The following CHST11 variants were observed in gnomAD, a reference collection of about 807,000 sequenced individuals.
CHST11 encodes C4S-1.
In CHST11, 9 loss-of-function variants were observed where a neutral mutation model predicts 30.4. The observed-to-expected ratio is 0.30, with a 90% confidence interval of 0.18 to 0.52. CHST11 has a LOEUF of 0.52. Ranked by LOEUF, CHST11 falls within the 20% of genes least tolerant of loss-of-function variation. The pLI is 0.97. For missense variants in CHST11, 348 were observed against 460.6 expected (o/e 0.76, Z 2.24); for synonymous variants, 152 against 187.8 (o/e 0.81, Z 1.56).
At chr12:104,634,953 G>A (rs1592807222) in intron 2 of CHST11, among the ~76,000 whole-genome samples, 1 of 152,272 alleles carries the variant, frequency 6.6e-6, no homozygotes, top group East Asian at 1.9e-4. Context: ...AGGGAGGAAG[G>A]GAGGGAGGGA....
intron 2 of CHST11, among the ~76,000 whole-genome samples, chr12:104,658,596 G>A (rs958006010): frequency 2.0e-5 from 3 of 152,190 alleles, no homozygotes; most frequent in Non-Finnish European, 4.4e-5. Context: ...TATCTGGAGA[G>A]GGGGAGGTAG....
At chr12:104,653,507 A>C (rs892754546) in intron 2 of CHST11, among the ~76,000 whole-genome samples, 3 of 152,166 alleles carry the variant, frequency 2.0e-5, no homozygotes, top group Admixed American at 2.0e-4. Context: ...GTACTCATGG[A>C]GGGGCAGTAT....
intron 2 of CHST11, among the ~76,000 whole-genome samples, chr12:104,605,250 T>G (rs2038993979): frequency 6.6e-6 from 1 of 151,812 alleles, no homozygotes; most frequent in African/African-American, 2.4e-5. Flanking sequence ...AAACTGGCTA[T>G]AATATGGGGA....
intron 1 of CHST11, among the ~76,000 whole-genome samples, chr12:104,460,980 A>G (rs1343411190): frequency 6.6e-6 from 1 of 152,146 alleles, no homozygotes; most frequent in African/African-American, 2.4e-5. Flanking sequence ...TGGGTTCTCA[A>G]TAGAATGTTT....
rs1242341182 is a variant in CHST11, at chr12:104,759,839, A to C, written c.*2036A>C. The stretch of plus-strand genomic sequence containing the variant: ...AGTGACAGACCTTGGCTGTCCCTGG[A>C]ATTGAGAATCTGGACCTTATTTCCA... On this transcript the variant is annotated 3_prime_UTR_variant, in exon 3 of 3. Coordinates refer to ENST00000303694, the MANE Select transcript of CHST11 (RefSeq NM_018413.6). 6.6e-6 allele frequency: 1 copy of C among 152,128 alleles called. No homozygotes were observed. The highest frequency in any genetic ancestry group is 2.4e-5 in the African/African-American group (1 of 41,410). The allele number at this position is 152,128 out of a possible 1,614,324, so 9.4% of individuals were successfully genotyped here.
intron 1 of CHST11, among the ~76,000 whole-genome samples, chr12:104,536,966 C>T (rs1474935632): frequency 6.6e-6 from 1 of 152,144 alleles, no homozygotes; most frequent in East Asian, 1.9e-4. Flanking sequence ...GAGTCAGAGG[C>T]AGCAGTCCTA....
chr12:104,530,404 T>A (rs2038171488), intron 1 of CHST11, among the ~76,000 whole-genome samples: 2 of 152,190 alleles, frequency 1.3e-5, no homozygotes, highest in African/African-American at 4.8e-5. Flanking sequence ...TATTGCATGA[T>A]TTGCCTCTGT....
chr12:104,522,745 G>T (rs759258213), intron 1 of CHST11, among the ~76,000 whole-genome samples: 1 of 152,132 alleles, frequency 6.6e-6, no homozygotes, highest in African/African-American at 2.4e-5. Flanking sequence ...GCCTCCTAAA[G>T]TGCTGGAATT....
chr12:104,542,077 T>C (rs572766939), intron 1 of CHST11, among the ~76,000 whole-genome samples: 68 of 152,358 alleles, frequency 4.5e-4, no homozygotes, highest in Admixed American at 8.5e-4. Context: ...GCAACTAACT[T>C]CATCTTTCCT....
At chr12:104,498,522 A>T (rs1356967004) in intron 1 of CHST11, among the ~76,000 whole-genome samples, 3 of 152,216 alleles carry the variant, frequency 2.0e-5, no homozygotes, top group Admixed American at 2.0e-4. Context: ...AGGGATGTGT[A>T]CAGGAAGGCT....
At chr12:104,653,395 A>G (rs2039512638) in intron 2 of CHST11, among the ~76,000 whole-genome samples, 1 of 152,166 alleles carries the variant, frequency 6.6e-6, no homozygotes, top group South Asian at 2.1e-4. Flanking sequence ...TCATCTGTTC[A>G]TAGACATTTG....
chr12:104,557,631 G>A (rs2038470362), intron 1 of CHST11, among the ~76,000 whole-genome samples: 1 of 152,126 alleles, frequency 6.6e-6, no homozygotes, highest in Non-Finnish European at 1.5e-5. Flanking sequence ...AAAGGGAGAG[G>A]GCGGGAGAGG....
rs543019513 is a variant in CHST11, at chr12:104,483,367, G to A, written c.118+25838G>A. Among the ~76,000 whole-genome samples the A allele has an allele frequency of 3.9e-5, 6 of 152,204 alleles. No homozygotes were observed. The South Asian group carries it at 6.2e-4, about 16-fold the overall frequency. On this transcript the variant is annotated intron_variant, in intron 1 of 2. Transcript: ENST00000303694. ...ATTACAGGTGCCAGCCACCATGCCC[G>A]GCTAATTTTTGTATTTTTAGTAGAG...
At chr12:104,732,081 A>C (rs2040262809) in intron 2 of CHST11, among the ~76,000 whole-genome samples, 1 of 152,250 alleles carries the variant, frequency 6.6e-6, no homozygotes, top group African/African-American at 2.4e-5. Context: ...CCCTCCAGGG[A>C]AGAGGATTGC....
chr12:104,740,105 G>C lies in CHST11; in HGVS notation c.205-16844G>C, dbSNP rs573660291. Among the ~76,000 whole-genome samples, 165 of 152,200 alleles carry C rather than the reference G, an allele frequency of 1.1e-3. 1 individual carries two copies. Among genetic ancestry groups the C allele is most frequent in the African/African-American group, 3.8e-3 (157 of 41,516 alleles). ...AGTTTCTACCACTTAGTTTTAGTAG[G>C]GTCACTGGCCTTTAAAGAAAAAAAT... On this transcript the variant is annotated intron_variant, in intron 2 of 2. Transcript: ENST00000303694.
intron 1 of CHST11, among the ~76,000 whole-genome samples, chr12:104,485,928 G>C (rs2037672765): frequency 6.6e-6 from 1 of 152,158 alleles, no homozygotes; most frequent in South Asian, 2.1e-4. Context: ...AGGTGAATTG[G>C]GCCTTTGCAC....
chr12:104,632,107 C>T (rs1032472561), intron 2 of CHST11, among the ~76,000 whole-genome samples: 4 of 152,166 alleles, frequency 2.6e-5, no homozygotes, highest in African/African-American at 7.2e-5. Flanking sequence ...AGAGCCCCGT[C>T]CCCGAGGTGT....
At chr12:104,485,288 A>C (rs571552128) in intron 1 of CHST11, among the ~76,000 whole-genome samples, 1 of 152,220 alleles carries the variant, frequency 6.6e-6, no homozygotes, top group Non-Finnish European at 1.5e-5. Context: ...ATTGACTCTT[A>C]TAAAAAATCG....
At chr12:104,533,256 A>C (rs1434038528) in intron 1 of CHST11, among the ~76,000 whole-genome samples, 1 of 152,206 alleles carries the variant, frequency 6.6e-6, no homozygotes, top group Non-Finnish European at 1.5e-5. Flanking sequence ...CCTGACCAAG[A>C]CTTGAGGAAG....
Sources: gnomAD v4.1 joint callset for allele counts (sites outside exome capture counted in the v4.1 genomes callset) on GRCh38, gnomAD v4.1.1 for gene constraint, MANE v1.5 for transcripts, NCBI Gene and HGNC (gene_info 2026-07-23, HGNC 2026-07-21) for gene names.